Variants in CALB2 observed in about 807,000 individuals in gnomAD.
CALB2 encodes the protein calbindin 2.
A neutral mutation model predicts 45.9 loss-of-function variants in CALB2; 34 were observed. The observed-to-expected ratio is 0.74, with a 90% CI of 0.56 to 0.99. The LOEUF (loss-of-function observed/expected upper bound fraction) is 0.99, where lower values mean the gene tolerates loss of function less well. Among genes scored for constraint, CALB2 ranks in the 50% least tolerant of loss-of-function variants. CALB2 has a pLI of 0.00. For synonymous variants in CALB2, 142 were observed against 129.6 expected (o/e 1.10, Z -0.65); for missense variants, 344 against 339.3 (o/e 1.01, Z -0.11).
At chr16:71,383,535 G>C in intron 6 of CALB2, 91 bp downstream of exon 6, 1 of 1,139,846 alleles carries the variant, frequency 8.8e-7, no homozygotes, top group South Asian at 1.4e-5. Context: ...CTTGTTTGCT[G>C]ATTCTTCAGG....
At chr16:71,378,498 C>T in intron 4 of CALB2, among the ~76,000 whole-genome samples, 1 of 152,066 alleles carries the variant, frequency 6.6e-6, no homozygotes, top group Non-Finnish European at 1.5e-5. Flanking sequence ...GAAGATCACA[C>T]CACTGCCCTC....
In CALB2 at chr16:71,374,850, C is replaced by T. The variant is rs1390607137; in HGVS notation, c.261+16C>T. 1.9e-6 allele frequency: 3 copies of T among 1,563,350 alleles called. No homozygotes were observed. The highest frequency in any genetic ancestry group is 2.6e-6 in the Non-Finnish European group (3 of 1,134,584). ...GATGGCAGAGGTGAGCCCTGCCTCG[C>T]TGGTAAAGAGCTGTGTGGGAGGGGC... is the stretch of plus-strand genomic sequence containing the variant. On this transcript the variant is annotated intron_variant, in intron 3 of 10. Transcript: ENST00000302628.
intron 1 of CALB2, among the ~76,000 whole-genome samples, chr16:71,362,825 A>G (rs1012127366): frequency 2.6e-5 from 4 of 152,260 alleles, no homozygotes; most frequent in Non-Finnish European, 5.9e-5. Context: ...GTTAATTTCC[A>G]TAGCACTTGA....
At chr16:71,363,391 A>G (rs1176986373) in intron 1 of CALB2, among the ~76,000 whole-genome samples, 3 of 152,104 alleles carry the variant, frequency 2.0e-5, no homozygotes, top group Non-Finnish European at 4.4e-5. Flanking sequence ...TTCCTTATCT[A>G]TGTGGACCCT....
At chr16:71,387,953 A>C (rs1466234486) in intron 10 of CALB2, among the ~76,000 whole-genome samples, 1 of 152,154 alleles carries the variant, frequency 6.6e-6, no homozygotes, top group Non-Finnish European at 1.5e-5. Flanking sequence ...TGGGAAAAAA[A>C]GACTGGCCCT....
At chr16:71,384,921 C>T (rs2042552941) in intron 9 of CALB2, 85 bp downstream of exon 9, 1 of 1,171,920 alleles carries the variant, frequency 8.5e-7, no homozygotes, top group South Asian at 1.2e-5. Flanking sequence ...TGGGAAGAGA[C>T]AGCTTTCCAG....
rs754822412 is a variant in CALB2 at position 71,377,762 on chromosome 16, C to A, written c.342+15C>A. 1.3e-6 allele frequency: 2 copies of A among 1,597,786 alleles called. No homozygotes were observed. Among genetic ancestry groups the A allele is most frequent in the Non-Finnish European group, 1.7e-6 (2 of 1,165,244 alleles). ...AGTTTATGGAGGTGAGGCCAAGGCA[C>A]CACCTTCTTTCTAAGCACTGGGACC... On this transcript the variant is annotated intron_variant, in intron 4 of 10. Coordinates refer to ENST00000302628, the MANE Select transcript of CALB2 (RefSeq NM_001740.5).
rs1387033125 is a variant in CALB2 at position 71,380,332 on chromosome 16, C to T, written c.343-2387C>T. On this transcript the variant is annotated intron_variant, in intron 4 of 10. Coordinates refer to ENST00000302628, the MANE Select transcript of CALB2 (RefSeq NM_001740.5). The stretch of plus-strand genomic sequence containing the variant: ...TTTTTTTTTTTTTTTTTTTTTGAGA[C>T]GGAGTTTCGCTCGTTGCCCAGCCTG... 1.8e-4 allele frequency among the ~76,000 whole-genome samples: 13 copies of T among 71,482 alleles called. No individual in the cohort carries two copies. The East Asian group carries it at 2.4e-3, about 13-fold the overall frequency. The allele number at this position is 71,482 out of a possible 152,430, so 46.9% of individuals were successfully genotyped here.
Position 71,372,222 on chromosome 16 carries a change from C to A in CALB2, c.164C>A (p.Ser55Tyr), listed in dbSNP as rs781438384. 2 of 1,612,430 alleles carry A rather than the reference C, an allele frequency of 1.2e-6. No individual in the cohort carries two copies. The highest frequency in any genetic ancestry group is 2.2e-5 in the East Asian group (1 of 44,834). ...GAGCTGGAGAAGGCAAGGAAAGGCTCTGGCATGGTAAGCCCAGCCCTGTCT... is the reference window on the plus strand; with the variant it reads ...GAGCTGGAGAAGGCAAGGAAAGGCTATGGCATGGTAAGCCCAGCCCTGTCT... Reference protein sequence around the residue: ...FQELEKARKGSGMMSKSDNFG... With the variant: ...FQELEKARKGYGMMSKSDNFG... The change falls in exon 2 of 11, where the codon TCT becomes TAT. Residue 55 changes from serine (S) to tyrosine (Y), a missense_variant. Physicochemically the swap from Ser to Tyr is moderately radical, Grantham distance 144. Around this residue, in one of 3 missense-constraint regions of CALB2, gnomAD observed 77 missense variants for 80.5 expected, o/e 0.96. Coordinates refer to ENST00000302628, the MANE Select transcript of CALB2 (RefSeq NM_001740.5).
At chr16:71,383,846 A>G in intron 6 of CALB2, 124 bp from the exon 7 acceptor site, 3 of 1,123,068 alleles carry the variant, frequency 2.7e-6, no homozygotes, top group East Asian at 4.7e-5. Context: ...CTTGGCCCCT[A>G]CGGACCTCAG....
intron 1 of CALB2, among the ~76,000 whole-genome samples, chr16:71,365,194 G>A (rs893685735): frequency 6.6e-6 from 1 of 152,200 alleles, no homozygotes; most frequent in Non-Finnish European, 1.5e-5. Context: ...CAGATAGACC[G>A]ACAAGCGGCC....
At chr16:71,388,723 G>A (rs1460324951) in intron 10 of CALB2, among the ~76,000 whole-genome samples, 3 of 151,726 alleles carry the variant, frequency 2.0e-5, no homozygotes, top group South Asian at 4.1e-4. Flanking sequence ...GTTCACACCT[G>A]TAATCACAGC....
chr16:71,375,418 A>G (rs2042399025), intron 3 of CALB2, among the ~76,000 whole-genome samples: 1 of 152,136 alleles, frequency 6.6e-6, no homozygotes. Flanking sequence ...AGGGCTCAAG[A>G]GTGCTGGCCG....
At chr16:71,373,295 G>A (rs36086613) in intron 2 of CALB2, among the ~76,000 whole-genome samples, 60,978 of 151,762 alleles carry the variant, frequency 0.4, 12,508 homozygotes, top group Admixed American at 0.51. Flanking sequence ...CAAATCCACC[G>A]GTGAGCTCCT....
In CALB2 at chr16:71,389,792, T is replaced by C. The variant is rs766586225; in HGVS notation, c.743T>C (p.Met248Thr). 9 of 1,614,022 alleles carry C rather than the reference T, an allele frequency of 5.6e-6. No individual in the cohort carries two copies. In the Admixed American group the frequency reaches 8.3e-5, roughly 15 times the overall value. Reference sequence around the variant, plus strand: ...CTCACCAACTACAGAAAGAGCGTCATGTCCTTGGCAGAGGCAGGGAAGCTC... The same window carrying C: ...CTCACCAACTACAGAAAGAGCGTCACGTCCTTGGCAGAGGCAGGGAAGCTC... Reference protein sequence around the residue: ...QQLTNYRKSVMSLAEAGKLYR... With the variant: ...QQLTNYRKSVTSLAEAGKLYR... Residue 248 changes from methionine (M) to threonine (T), a missense_variant, in exon 11 of 11, where the codon ATG becomes ACG. Transcript: ENST00000302628.
chr16:71,374,932 TG>T, intron 3 of CALB2, 98 bp downstream of exon 3: 1 of 807,722 alleles, frequency 1.2e-6, no homozygotes, highest in Non-Finnish European at 2.1e-6. Flanking sequence ...TGGAGTGAGG[TG>T]GGGGCCTCAA....
chr16:71,372,097 C>A, intron 1 of CALB2, 56 bp from the exon 2 acceptor site: 1 of 1,244,076 alleles, frequency 8.0e-7, no homozygotes, highest in Non-Finnish European at 1.2e-6. Context: ...CATGCCCACC[C>A]CGTGCCCCCC....
At position 71,374,822 on chromosome 16, in the gene CALB2, C is replaced by A. The variant is rs867857228; in HGVS notation, c.249C>A (p.Ile83=). The A allele has an allele frequency of 1.9e-6, 3 of 1,611,202 alleles. No homozygotes were observed. The highest frequency in any genetic ancestry group is 1.7e-5 in the Admixed American group (1 of 60,006). Residue 83 remains isoleucine (I), a synonymous_variant, in exon 3 of 11, where the codon ATC becomes ATA. Coordinates refer to ENST00000302628, the MANE Select transcript of CALB2 (RefSeq NM_001740.5). The part of the protein sequence containing the change: ...QKYDKNSDGK[I]EMAELAQILP... Reference sequence around the variant, plus strand: ...ATGATAAAAACTCAGATGGGAAAATCGAGATGGCAGAGGTGAGCCCTGCCT... The same window carrying A: ...ATGATAAAAACTCAGATGGGAAAATAGAGATGGCAGAGGTGAGCCCTGCCT...
chr16:71,373,379 G>C (rs2042374843), intron 2 of CALB2, among the ~76,000 whole-genome samples: 1 of 152,144 alleles, frequency 6.6e-6, no homozygotes, highest in Non-Finnish European at 1.5e-5. Context: ...GCGATTCATG[G>C]GTTTGTTTAT....
Sources: allele counts gnomAD v4.1 joint callset (sites outside exome capture counted in the v4.1 genomes callset), GRCh38; gene constraint gnomAD v4.1.1; regional missense constraint gnomAD v4.1.1; transcripts MANE v1.5; gene names NCBI Gene and HGNC (gene_info 2026-07-23, HGNC 2026-07-21).